SHLD2: variants seen among roughly 807,000 people sequenced by gnomAD.
SHLD2 encodes RINN1-REV7-interacting novel NHEJ regulator 2.
In SHLD2, 30 loss-of-function variants were observed where a neutral mutation model predicts 73.2. The observed-to-expected ratio is 0.41, with a 90% CI of 0.31 to 0.56. SHLD2 has a LOEUF of 0.56. Ranked by LOEUF, SHLD2 falls within the 20% of genes least tolerant of loss-of-function variation. The pLI, the probability that SHLD2 is intolerant of heterozygous loss-of-function variation, is 0.28. For missense variants in SHLD2, 745 were observed against 1,055.9 expected (o/e 0.71, Z 4.08); for synonymous variants, 285 against 370.1 (o/e 0.77, Z 2.64).
intron 2 of SHLD2, among the ~76,000 whole-genome samples, chr10:87,138,525 A>G (rs1177614270): frequency 6.6e-6 from 1 of 152,206 alleles, no homozygotes; most frequent in Non-Finnish European, 1.5e-5. Context: ...TAAAACATAC[A>G]CATTAACAAG....
intron 2 of SHLD2, among the ~76,000 whole-genome samples, chr10:87,118,025 A>G (rs1843360570): frequency 6.6e-6 from 1 of 152,184 alleles, no homozygotes; most frequent in South Asian, 2.1e-4. Context: ...TGATGTTACT[A>G]TTAATGATTT....
In SHLD2 at chr10:87,158,084, C is replaced by T. The variant is rs766669099; in HGVS notation, c.1562C>T (p.Thr521Ile). The change falls in exon 4 of 10, where the codon ACA becomes ATA. Residue 521 changes from threonine (T) to isoleucine (I), a missense_variant. Transcript: ENST00000298786. ...VIHEDQWIGE[T>I]VLQSTFSSQL... ...CATGAGGACCAATGGATTGGCGAGA[C>T]AGTACTACAATCAACATTTAGCAGT... is the stretch of plus-strand genomic sequence containing the variant. 3 of 1,611,494 alleles carry T rather than the reference C, an allele frequency of 1.9e-6. No homozygotes were observed. Among genetic ancestry groups the T allele is most frequent in the African/African-American group, 1.3e-5 (1 of 74,960 alleles).
intron 9 of SHLD2, among the ~76,000 whole-genome samples, chr10:87,188,601 A>C (rs1848786077): frequency 6.6e-6 from 1 of 152,204 alleles, no homozygotes; most frequent in Admixed American, 6.5e-5. Flanking sequence ...TGTTGCTGAC[A>C]CTGGCAGTTC....
rs917164160 is a variant in SHLD2 at position 87,164,883 on chromosome 10, G to GA, written c.1634-5586dup. 1.3e-4 allele frequency among the ~76,000 whole-genome samples: 20 copies of GA among 149,804 alleles called. No individual in the cohort carries two copies. In the South Asian group the frequency reaches 3.6e-3, roughly 27 times the overall value. ...TCCAATTAATAAATCTGAGAGAAAA[G>GA]AAAAAAAAATAGAGAATTACTGGCC... On this transcript the variant is annotated intron_variant, in intron 4 of 9. Transcript: ENST00000298786.
intron 7 of SHLD2, among the ~76,000 whole-genome samples, 154 bp downstream of exon 7, chr10:87,176,249 G>A (rs561595195): frequency 9.4e-4 from 143 of 152,352 alleles, no homozygotes; most frequent in African/African-American, 3.3e-3. Context: ...AGCCTTTCGC[G>A]TAGCTCAGGA....
chr10:87,105,211 T>TA (rs777910339), intron 2 of SHLD2, among the ~76,000 whole-genome samples: 1 of 152,120 alleles, frequency 6.6e-6, no homozygotes, highest in Non-Finnish European at 1.5e-5. Context: ...GGTATGGTGT[T>TA]AGAGGATAAT....
chr10:87,102,691 A>G (rs1842344507), intron 2 of SHLD2, among the ~76,000 whole-genome samples: 1 of 152,040 alleles, frequency 6.6e-6, no homozygotes, highest in African/African-American at 2.4e-5. Context: ...CCTGGGCGAC[A>G]GAGCAAGATT....
intron 2 of SHLD2, among the ~76,000 whole-genome samples, chr10:87,104,062 C>T (rs1031653639): frequency 1.3e-5 from 2 of 150,180 alleles, no homozygotes; most frequent in African/African-American, 2.5e-5. Context: ...GGTGAAACCC[C>T]GTCTCTACAA....
chr10:87,108,596 T>G (rs1842745231), intron 2 of SHLD2, among the ~76,000 whole-genome samples: 1 of 152,188 alleles, frequency 6.6e-6, no homozygotes, highest in Non-Finnish European at 1.5e-5. Flanking sequence ...TGAGCCATTG[T>G]GCTTGGCCAA....
chr10:87,183,839 G>C (rs575388283), intron 8 of SHLD2, among the ~76,000 whole-genome samples: 1 of 152,134 alleles, frequency 6.6e-6, no homozygotes. Flanking sequence ...CTGTCTCTCA[G>C]GCCCTTCTTT....
intron 1 of SHLD2, among the ~76,000 whole-genome samples, chr10:87,096,103 C>T (rs1841852718): frequency 1.3e-5 from 2 of 152,200 alleles, no homozygotes; most frequent in African/African-American, 2.4e-5. Flanking sequence ...TGTAGTGGCA[C>T]CATCTCGGCT....
chr10:87,097,765 T>A (rs144883751), intron 2 of SHLD2, among the ~76,000 whole-genome samples: 128 of 152,186 alleles, frequency 8.4e-4, no homozygotes, highest in African/African-American at 3.0e-3. Context: ...TGGTTTTGTT[T>A]TGTTTTGTTT....
At chr10:87,185,547 T>C (rs1182664874) in intron 8 of SHLD2, among the ~76,000 whole-genome samples, 3 of 152,222 alleles carry the variant, frequency 2.0e-5, no homozygotes, top group African/African-American at 4.8e-5. Flanking sequence ...ATATGAGGGT[T>C]GTAATTTCCC....
chr10:87,171,843 ATGTT>A (rs1283500554), intron 6 of SHLD2, among the ~76,000 whole-genome samples: 8 of 152,244 alleles, frequency 5.3e-5, no homozygotes, highest in South Asian at 2.1e-4. Context: ...ACAGGGACAG[ATGTT>A]TGTTTGGTTG....
chr10:87,098,171 T>G (rs1250950308), intron 2 of SHLD2, among the ~76,000 whole-genome samples: 2 of 152,166 alleles, frequency 1.3e-5, no homozygotes, highest in Non-Finnish European at 2.9e-5. Context: ...TAGTGAATAT[T>G]TGGAGTATTT....
intron 4 of SHLD2, among the ~76,000 whole-genome samples, chr10:87,165,563 A>G (rs1847138736): frequency 6.6e-6 from 1 of 152,166 alleles, no homozygotes; most frequent in South Asian, 2.1e-4. Context: ...GGAGAAACCC[A>G]AAGGGAAGGA....
At chr10:87,162,861 T>G (rs570347323) in intron 4 of SHLD2, among the ~76,000 whole-genome samples, 139 of 152,314 alleles carry the variant, frequency 9.1e-4, no homozygotes, top group African/African-American at 3.2e-3. Context: ...TGTGCCCTCT[T>G]AATACATTGG....
intron 2 of SHLD2, among the ~76,000 whole-genome samples, chr10:87,103,625 A>G (rs1017076738): frequency 2.0e-5 from 3 of 152,206 alleles, no homozygotes; most frequent in African/African-American, 7.2e-5. Context: ...AGAAGTTGTA[A>G]TTTTGATGTT....
intron 2 of SHLD2, among the ~76,000 whole-genome samples, chr10:87,117,568 C>A (rs2134049197): frequency 6.6e-6 from 1 of 152,310 alleles, no homozygotes; most frequent in South Asian, 2.1e-4. Flanking sequence ...CCGAGGTGGG[C>A]AGCTGGCTTG....
Sources: gnomAD v4.1 joint callset for allele counts (sites outside exome capture counted in the v4.1 genomes callset) on GRCh38, gnomAD v4.1.1 for gene constraint, MANE v1.5 for transcripts, NCBI Gene and HGNC (gene_info 2026-07-23, HGNC 2026-07-21) for gene names.